VPS13B: variants seen among roughly 807,000 people sequenced by gnomAD.
The protein encoded by VPS13B is intermembrane lipid transfer protein VPS13B.
Under a neutral mutation model 426.4 loss-of-function variants are expected in VPS13B, and 285 were observed. The observed-to-expected ratio is 0.67, with a 90% CI of 0.61 to 0.74. The LOEUF is 0.74. Ranked by LOEUF, VPS13B falls within the 30% of genes least tolerant of loss-of-function variation. The pLI is 0.00. For missense variants in VPS13B, 4,537 were observed against 4,782.6 expected (o/e 0.95, Z 1.51); for synonymous variants, 1,676 against 1,676.4 (o/e 1.00, Z 0.01).
In VPS13B at chr8:99,853,914, G is replaced by A. The variant is rs760089160; in HGVS notation, c.10525G>A (p.Glu3509Lys). Residue 3509 changes from glutamate to lysine, a missense_variant, in exon 56 of 62, where the codon GAA (glutamate) becomes AAA (lysine). This residue lies in a region of VPS13B where 4,311 missense variants were observed against 4,474.3 expected (regional missense o/e 0.96). Transcript: ENST00000357162. ...FELKPARLYVEDTFVYYIKTL... is the reference protein window; with the variant it reads ...FELKPARLYVKDTFVYYIKTL... ...ATTAAAACCTGCTCGGTTATACGTG[G>A]AAGACACATTTGTATACTACATCAA... The A allele has an allele frequency of 6.2e-7, 1 of 1,614,192 alleles. No homozygotes were observed. The highest frequency in any genetic ancestry group is 8.5e-7 in the Non-Finnish European group (1 of 1,180,040).
chr8:99,819,780 C>A, intron 48 of VPS13B, 141 bp from the exon 49 acceptor site: 3 of 1,276,372 alleles, frequency 2.4e-6, no homozygotes, highest in Non-Finnish European at 3.3e-6. Flanking sequence ...CTTTCTCCTG[C>A]ATGCAAATTT....
At chr8:99,379,671 T>C (rs982018352) in intron 19 of VPS13B, among the ~76,000 whole-genome samples, 2 of 152,170 alleles carry the variant, frequency 1.3e-5, no homozygotes, top group Non-Finnish European at 2.9e-5. Context: ...ATCATTCCAT[T>C]TATTAACACT....
At chr8:99,153,004 A>G (rs1385007383) in intron 14 of VPS13B, among the ~76,000 whole-genome samples, 1 of 151,996 alleles carries the variant, frequency 6.6e-6, no homozygotes, top group East Asian at 1.9e-4. Context: ...CCCTGTCTCT[A>G]CAAAAAAATA....
rs797006708 is a variant in VPS13B, at chr8:99,540,848, T to C, written c.4746-15602T>C. ...GTTTCGAGGCCCTATTTCGAATAAC[T>C]GTACTTTCATGTTTTAAATGTTTGT... On this transcript the variant is annotated intron_variant, in intron 30 of 61. Transcript: ENST00000357162. Among the ~76,000 whole-genome samples the C allele has an allele frequency of 6.6e-5, 10 of 152,304 alleles. 1 individual carries two copies. The highest frequency in any genetic ancestry group is 2.2e-4 in the African/African-American group (9 of 41,582).
At chr8:99,155,065 C>T (rs986298321) in intron 14 of VPS13B, among the ~76,000 whole-genome samples, 15 of 151,406 alleles carry the variant, frequency 9.9e-5, no homozygotes, top group South Asian at 6.3e-4. Context: ...AAAGAGACCT[C>T]AATCCATTAA....
At chr8:99,478,400 T>C (rs1480956713) in intron 24 of VPS13B, among the ~76,000 whole-genome samples, 1 of 150,068 alleles carries the variant, frequency 6.7e-6, no homozygotes, top group Non-Finnish European at 1.5e-5. Flanking sequence ...TTTATTTCTC[T>C]GAGCTCTTGA....
rs745651556 is a variant in VPS13B at position 99,274,299 on chromosome 8, A to G, written c.2617A>G (p.Met873Val). The part of the protein sequence containing the change: ...TSLVKCASGT[M>V]GSIKICAKAP... ...ATTGGTCAAATGTGCCTCTGGGACC[A>G]TGGGATCAATAAAAATTTGTGCCAA... The change falls in exon 18 of 62, where the codon ATG (methionine) becomes GTG (valine). Residue 873 changes from methionine to valine, a missense_variant. Met to Val is a conservative substitution (Grantham distance 21, BLOSUM62 1). Around this residue, in one of 2 missense-constraint regions of VPS13B, gnomAD observed 4,311 missense variants for 4,474.3 expected, o/e 0.96. Transcript: ENST00000357162. 34 of 1,614,018 alleles carry G rather than the reference A, an allele frequency of 2.1e-5. No homozygotes were observed. Among genetic ancestry groups the G allele is most frequent in the African/African-American group, 2.7e-5 (2 of 74,914 alleles).
At chr8:99,824,047 T>G in intron 51 of VPS13B, 69 bp downstream of exon 51, 1 of 1,557,348 alleles carries the variant, frequency 6.4e-7, no homozygotes, top group Non-Finnish European at 8.8e-7. Flanking sequence ...TCAACTTCTC[T>G]TTAACCTATA....
intron 22 of VPS13B, among the ~76,000 whole-genome samples, chr8:99,438,387 A>T (rs1817509479): frequency 1.3e-5 from 2 of 152,306 alleles, no homozygotes; most frequent in South Asian, 4.1e-4. Context: ...TAGACATTTT[A>T]GGCCAGAGAG....
chr8:99,627,135 A>T (rs1023919436), intron 33 of VPS13B, among the ~76,000 whole-genome samples: 1 of 151,894 alleles, frequency 6.6e-6, no homozygotes, highest in African/African-American at 2.4e-5. Flanking sequence ...GGGGATGGGG[A>T]GTTGTTGATC....
intron 30 of VPS13B, among the ~76,000 whole-genome samples, chr8:99,538,209 T>C (rs892699237): frequency 1.3e-5 from 2 of 152,206 alleles, no homozygotes; most frequent in African/African-American, 2.4e-5. Flanking sequence ...ACAAAATTGC[T>C]GTCAGCAATA....
intron 30 of VPS13B, among the ~76,000 whole-genome samples, chr8:99,543,722 T>C (rs1182600633): frequency 6.6e-6 from 1 of 150,436 alleles, no homozygotes; most frequent in Non-Finnish European, 1.5e-5. Flanking sequence ...ATGCTCACCA[T>C]CACTGGCCAT....
At chr8:99,083,340 G>C (rs1027280525) in intron 3 of VPS13B, among the ~76,000 whole-genome samples, 1 of 152,184 alleles carries the variant, frequency 6.6e-6, no homozygotes, top group African/African-American at 2.4e-5. Context: ...TTGCCTATCA[G>C]CTTAAGGAGA....
intron 51 of VPS13B, among the ~76,000 whole-genome samples, chr8:99,825,857 T>C (rs1814655357): frequency 6.6e-6 from 1 of 152,216 alleles, no homozygotes; most frequent in Admixed American, 6.5e-5. Flanking sequence ...TTTTGTCAGG[T>C]TTGTCAAAGA....
At chr8:99,096,491 C>T (rs1182152727) in intron 4 of VPS13B, 59 bp downstream of exon 4, 33 of 1,606,240 alleles carry the variant, frequency 2.1e-5, no homozygotes, top group Non-Finnish European at 2.8e-5. Flanking sequence ...CATGGTGGCT[C>T]ATGCCTGTAA....
intron 19 of VPS13B, chr8:99,341,087 C>A: frequency 3.6e-6 from 1 of 275,854 alleles, no homozygotes. Flanking sequence ...TTATTCTTAA[C>A]CCATCCACCA....
intron 36 of VPS13B, among the ~76,000 whole-genome samples, chr8:99,713,427 A>C (rs1023334121): frequency 6.6e-6 from 1 of 152,218 alleles, no homozygotes; most frequent in Non-Finnish European, 1.5e-5. Flanking sequence ...GATTAGAAAC[A>C]GACACACCTG....
At chr8:99,699,243 G>C (rs1832169573) in intron 35 of VPS13B, among the ~76,000 whole-genome samples, 1 of 148,608 alleles carries the variant, frequency 6.7e-6, no homozygotes, top group African/African-American at 2.5e-5. Flanking sequence ...GAAATTGACA[G>C]CCTTGATATC....
intron 34 of VPS13B, among the ~76,000 whole-genome samples, chr8:99,658,696 A>G (rs1338460741): frequency 6.6e-6 from 1 of 152,208 alleles, no homozygotes; most frequent in Non-Finnish European, 1.5e-5. Flanking sequence ...CACATTTAAA[A>G]TCAGTTATGT....
Sources: gnomAD v4.1 joint callset for allele counts (sites outside exome capture counted in the v4.1 genomes callset) on GRCh38, gnomAD v4.1.1 for gene constraint, gnomAD v4.1.1 regional missense constraint, MANE v1.5 for transcripts, NCBI Gene and HGNC (gene_info 2026-07-23, HGNC 2026-07-21) for gene names.